Variants in CEP85L observed in about 807,000 individuals in gnomAD.
CEP85L encodes the protein centrosomal protein 85L.
CEP85L carries 60 observed loss-of-function variants against 100.3 expected under a neutral mutation model. The observed-to-expected ratio is 0.60, with a 90% CI of 0.49 to 0.74. The LOEUF (loss-of-function observed/expected upper bound fraction) is 0.74, where lower values mean the gene tolerates loss of function less well. Among genes scored for constraint, CEP85L ranks in the 30% least tolerant of loss-of-function variants. The probability of loss-of-function intolerance (pLI) is 0.00; values close to 1 mark genes in which losing one functional copy is unlikely to be tolerated. For missense variants in CEP85L, 973 were observed against 936.2 expected (o/e 1.04, Z -0.51); for synonymous variants, 319 against 322.7 (o/e 0.99, Z 0.12).
intron 1 of CEP85L, among the ~76,000 whole-genome samples, chr6:118,668,082 TAAC>T (rs1562349774): frequency 6.6e-6 from 1 of 152,156 alleles, no homozygotes; most frequent in African/African-American, 2.4e-5. Context: ...TATTAGTAGA[TAAC>T]AACAACAAAA....
At chr6:118,688,683 C>T (rs1244459196) in intron 1 of CEP85L, among the ~76,000 whole-genome samples, 1 of 152,196 alleles carries the variant, frequency 6.6e-6, no homozygotes, top group African/African-American at 2.4e-5. Flanking sequence ...AGATTTGGTC[C>T]TCACATCTAT....
intron 1 of CEP85L, among the ~76,000 whole-genome samples, chr6:118,666,690 T>A (rs914235096): frequency 2.0e-5 from 3 of 151,914 alleles, no homozygotes; most frequent in African/African-American, 7.3e-5. Flanking sequence ...TCTACCAGCC[T>A]CAAGATCCAG....
chr6:118,542,923 A>AAAAAAAAAAAAAAAAAAAAAAAC (rs1554216838), intron 3 of CEP85L, among the ~76,000 whole-genome samples: 1 of 143,932 alleles, frequency 6.9e-6, no homozygotes. Flanking sequence ...AAAAAAAAAA[A>AAAAAAAAAAAAAAAAAAAAAAAC]CAGGATATTC....
chr6:118,480,279 T>C, intron 9 of CEP85L, 117 bp downstream of exon 9: 2 of 562,866 alleles, frequency 3.6e-6, no homozygotes, highest in East Asian at 3.2e-5. Context: ...AGAAACTATG[T>C]AAGTGATTAA....
At chr6:118,478,054 A>AGTGAAG (rs1228549778) in intron 10 of CEP85L, among the ~76,000 whole-genome samples, 2 of 152,092 alleles carry the variant, frequency 1.3e-5, no homozygotes. Flanking sequence ...GGAAGTAGAA[A>AGTGAAG]GTGAAGGGAA....
chr6:118,691,717 C>T (rs1383982687), intron 1 of CEP85L, among the ~76,000 whole-genome samples: 1 of 141,950 alleles, frequency 7.0e-6, no homozygotes, highest in Admixed American at 7.2e-5. Context: ...CCAGCCTGGG[C>T]AACAAGAGCA....
chr6:118,517,499 G>A (rs1168434692), intron 4 of CEP85L, among the ~76,000 whole-genome samples: 1 of 151,976 alleles, frequency 6.6e-6, no homozygotes, highest in Non-Finnish European at 1.5e-5. Context: ...TATTCTCTTT[G>A]TAGCAATTGT....
chr6:118,491,980 C>G, intron 5 of CEP85L, 115 bp from the exon 6 acceptor site: 1 of 605,850 alleles, frequency 1.7e-6, no homozygotes, highest in East Asian at 3.2e-5. Flanking sequence ...TGAACAGACA[C>G]ACCTTGATTT....
intron 2 of CEP85L, among the ~76,000 whole-genome samples, chr6:118,602,856 G>A (rs1047067069): frequency 1.3e-4 from 19 of 150,540 alleles, no homozygotes; most frequent in Non-Finnish European, 1.9e-4. Flanking sequence ...AGTCTCGCAC[G>A]GTCACCCAGG....
chr6:118,660,382 A>G (rs532817466), intron 1 of CEP85L, among the ~76,000 whole-genome samples: 1 of 152,336 alleles, frequency 6.6e-6, no homozygotes, highest in East Asian at 1.9e-4. Context: ...GATCCTGGCA[A>G]AAGGCCAGCT....
At chr6:118,567,233 GTGTGTGTGTGTGTGTGTATATA>G (rs1334642155) in intron 2 of CEP85L, among the ~76,000 whole-genome samples, 1,084 of 85,682 alleles carry the variant, frequency 0.013, 2 homozygotes, top group African/African-American at 0.017. Flanking sequence ...GTGTGTGTGT[GTGTGTGTGTGTGTGTGTATATA>G]TATATATATA....
rs537952387 is a variant in CEP85L, at chr6:118,703,083, T to C, written c.-28+6953A>G. Among the ~76,000 whole-genome samples the C allele has an allele frequency of 1.1e-3, 163 of 151,590 alleles. 1 individual carries two copies. Among genetic ancestry groups the C allele is most frequent in the African/African-American group, 3.7e-3 (155 of 41,334 alleles). Reference sequence around the variant, plus strand: ...TTATAACTTGCTTTGACCAATAGAATGCTGCAGAAGTGACGATTTGTGACT... The same window carrying C: ...TTATAACTTGCTTTGACCAATAGAACGCTGCAGAAGTGACGATTTGTGACT... On this transcript the variant is annotated intron_variant, in intron 1 of 13. Transcript: ENST00000368488.
intron 5 of CEP85L, among the ~76,000 whole-genome samples, chr6:118,500,923 C>G (rs914234655): frequency 1.3e-5 from 2 of 152,228 alleles, no homozygotes; most frequent in Non-Finnish European, 2.9e-5. Context: ...AGGGGCATGA[C>G]ACTGGAAGTC....
chr6:118,659,247 TA>T (rs1440607121), intron 1 of CEP85L, among the ~76,000 whole-genome samples: 1 of 152,210 alleles, frequency 6.6e-6, no homozygotes, highest in Admixed American at 6.5e-5. Context: ...ACAAAGCATC[TA>T]AAATCAACTT....
chr6:118,695,991 C>A (rs550714036), intron 1 of CEP85L, among the ~76,000 whole-genome samples: 1 of 152,082 alleles, frequency 6.6e-6, no homozygotes, highest in Non-Finnish European at 1.5e-5. Flanking sequence ...TGTTAGGAGG[C>A]GGGGCATGGT....
At chr6:118,660,633 A>T (rs549120235) in intron 1 of CEP85L, among the ~76,000 whole-genome samples, 1 of 152,244 alleles carries the variant, frequency 6.6e-6, no homozygotes. Flanking sequence ...AAAGTACTTC[A>T]TACTTATTTC....
chr6:118,651,564 C>T lies in CEP85L; in HGVS notation c.-295G>A. 1 of 1,188,172 alleles carries T rather than the reference C, an allele frequency of 8.4e-7. No individual in the cohort carries two copies. Among genetic ancestry groups the T allele is most frequent in the South Asian group, 3.5e-5 (1 of 28,742 alleles). 73.6% of individuals were successfully genotyped at this position (1,188,172 alleles called of 1,614,324 possible). ...CGGCTGAGCCCAGGCTCAAAGGCTC[C>T]AGGCGAAGTTGCAGCTGCGGGTTCT... is the stretch of plus-strand genomic sequence containing the variant. On this transcript the variant is annotated 5_prime_UTR_variant, in exon 1 of 13. Transcript: ENST00000368491.
chr6:118,701,611 T>G (rs1245317874), intron 1 of CEP85L, among the ~76,000 whole-genome samples: 1 of 151,980 alleles, frequency 6.6e-6, no homozygotes, highest in East Asian at 1.9e-4. Context: ...TGATAGAAAC[T>G]GAAAACTACT....
chr6:118,473,950 T>C (rs1009692117), intron 10 of CEP85L, among the ~76,000 whole-genome samples: 5 of 152,124 alleles, frequency 3.3e-5, no homozygotes, highest in African/African-American at 7.2e-5. Flanking sequence ...AAAAAGAGCC[T>C]TTTTTAATGT....
Sources: gnomAD v4.1 joint callset for allele counts (sites outside exome capture counted in the v4.1 genomes callset) on GRCh38, gnomAD v4.1.1 for gene constraint, MANE v1.5 for transcripts, NCBI Gene and HGNC (gene_info 2026-07-23, HGNC 2026-07-21) for gene names.